Variants in LEFTY1 observed in about 807,000 individuals in gnomAD.
LEFTY1 encodes the protein left-right determination factor 1.
LEFTY1 carries 18 observed loss-of-function variants against 22.6 expected under a neutral mutation model. The ratio of observed to expected loss-of-function variants is 0.80; its 90% CI spans 0.55 to 1.18. The LOEUF (loss-of-function observed/expected upper bound fraction) is 1.18, where lower values mean the gene tolerates loss of function less well. Ranked by LOEUF, LEFTY1 falls within the 50% of genes most tolerant of loss-of-function variation. The pLI, the probability that LEFTY1 is intolerant of heterozygous loss-of-function variation, is 0.00. For missense variants in LEFTY1, 414 were observed against 495.4 expected, an observed-to-expected ratio of 0.84 and a Z score of 1.56; for synonymous variants, 201 against 231.5, an observed-to-expected ratio of 0.87 and a Z score of 1.20.
chr1:225,888,843 C>A lies in LEFTY1; in HGVS notation c.224G>T (p.Gly75Val). Residue 75 changes from glycine (G) to valine (V), a missense_variant, in exon 1 of 4, where the codon GGA becomes GTA. Physicochemically the swap from Gly to Val is moderately radical, Grantham distance 109. Transcript: ENST00000272134. ...LQRSHGDRSR[G>V]KRFSQSFREV... ...TCGGAAGCTCTGGCTGAACCTCTTT[C>A]CGCGGGAGCGGTCCCCGTGGCTGCG... The A allele has an allele frequency of 6.2e-7, 1 of 1,613,308 alleles. No individual in the cohort carries two copies. The highest frequency in any genetic ancestry group is 8.5e-7 in the Non-Finnish European group (1 of 1,179,784).
Position 225,886,623 on chromosome 1 carries a change from G to A in LEFTY1, c.*104C>T, listed in dbSNP as rs189294996. 2 of 1,569,556 alleles carry A rather than the reference G, an allele frequency of 1.3e-6. No individual in the cohort carries two copies. Among genetic ancestry groups the A allele is most frequent in the Admixed American group, 3.5e-5 (2 of 57,414 alleles). On this transcript the variant is annotated 3_prime_UTR_variant, in exon 4 of 4. Coordinates refer to ENST00000272134, the MANE Select transcript of LEFTY1 (RefSeq NM_020997.4). The stretch of plus-strand genomic sequence containing the variant: ...AATTCAGGGCTCACTAGAGAGCACA[G>A]AGCATTTGTCCATCAGCAGTTCAGT...
In LEFTY1 at chr1:225,889,011, C is replaced by T; in HGVS notation, c.56G>A (p.Gly19Glu). The T allele has an allele frequency of 5.2e-6, 8 of 1,527,080 alleles. No individual in the cohort carries two copies. The highest frequency in any genetic ancestry group is 7.0e-6 in the Non-Finnish European group (8 of 1,137,718). 94.6% of individuals were successfully genotyped at this position (1,527,080 alleles called of 1,614,324 possible). The change falls in exon 1 of 4, where the codon GGG becomes GAG. Residue 19 changes from glycine (G) to glutamate (E), a missense_variant. Physicochemically the swap from Gly to Glu is moderately conservative, Grantham distance 98. Coordinates refer to ENST00000272134, the MANE Select transcript of LEFTY1 (RefSeq NM_020997.4). ...ALWVLPLASPGAALTGEQLLG... is the reference protein window; with the variant it reads ...ALWVLPLASPEAALTGEQLLG... Reference sequence around the variant, plus strand: ...GAGCTGCTCCCCGGTCAGGGCGGCCCCGGGGCTGGCCAGGGGCAACACCCA... The same window carrying T: ...GAGCTGCTCCCCGGTCAGGGCGGCCTCGGGGCTGGCCAGGGGCAACACCCA...
rs1274742206 is a variant in LEFTY1, at chr1:225,887,903, T to C, written c.380A>G (p.Lys127Arg). Reference protein sequence around the residue: ...VLRLFQEPVPKAALHRHGRLS... With the variant: ...VLRLFQEPVPRAALHRHGRLS... ...CCGCCCGTGCCTGTGCAGCGCGGCC[T>C]TGGGGACCGGCTCCTGGAAGAGCCG... The change falls in exon 2 of 4, where the codon AAG becomes AGG. Residue 127 changes from lysine (K) to arginine (R), a missense_variant. Coordinates refer to ENST00000272134, the MANE Select transcript of LEFTY1 (RefSeq NM_020997.4). The C allele has an allele frequency of 3.9e-6, 6 of 1,537,966 alleles. No homozygotes were observed. Among genetic ancestry groups the C allele is most frequent in the Non-Finnish European group, 5.2e-6 (6 of 1,149,678 alleles).
At position 225,887,473 on chromosome 1, in the gene LEFTY1, A is replaced by C. The variant is rs1388620770; in HGVS notation, c.663T>G (p.Phe221Leu). Reference sequence around the variant, plus strand: ...GCCCGGCTGGCGCCCCCTGCGAGGCAAAGCGGACCAGCTTGTGGGCGCCGG... The same window carrying C: ...GCCCGGCTGGCGCCCCCTGCGAGGCCAAGCGGACCAGCTTGTGGGCGCCGG... ...LASGAHKLVR[F>L]ASQGAPAGLG... The change falls in exon 3 of 4, where the codon TTT becomes TTG. Residue 221 changes from phenylalanine (F) to leucine (L), a missense_variant. Transcript: ENST00000272134. 1 of 1,612,422 alleles carries C rather than the reference A, an allele frequency of 6.2e-7. No homozygotes were observed. Among genetic ancestry groups the C allele is most frequent in the East Asian group, 2.2e-5 (1 of 44,860 alleles).
chr1:225,887,739 G>A, intron 2 of LEFTY1, 47 bp downstream of exon 2: 3 of 1,562,878 alleles, frequency 1.9e-6, no homozygotes, highest in Non-Finnish European at 2.6e-6. Flanking sequence ...CCCAAGCCGG[G>A]CCTAGCAGCG....
chr1:225,887,668 C>T (rs779911324), intron 2 of LEFTY1, 30 bp from the exon 3 acceptor site: 57 of 1,611,858 alleles, frequency 3.5e-5, no homozygotes, highest in Non-Finnish European at 4.7e-5. Context: ...CCCAGCGCCG[C>T]TTGAGGGCGG....
chr1:225,888,124 G>A, intron 1 of LEFTY1, 92 bp from the exon 2 acceptor site: 5 of 1,528,354 alleles, frequency 3.3e-6, no homozygotes, highest in Non-Finnish European at 4.4e-6. Flanking sequence ...CAGGCCAGGA[G>A]ACACCGGCCC....
Position 225,888,926 on chromosome 1 carries a change from G to A in LEFTY1, c.141C>T (p.Asp47=). ...GGGTGGGGATGACCAGCTCCTCCAT[G>A]TCGGCCCTGTCCAGGGTGGGCACCT... ...LKEVPTLDRA[D]MEELVIPTHV... is the part of the protein sequence containing the mutation. The change falls in exon 1 of 4, where the codon GAC becomes GAT. Residue 47 remains aspartate, a synonymous_variant. Transcript: ENST00000272134. 3 of 1,612,484 alleles carry A rather than the reference G, an allele frequency of 1.9e-6. No individual in the cohort carries two copies.
At position 225,888,366 on chromosome 1, in the gene LEFTY1, A is replaced by T. The variant is rs1387202908; in HGVS notation, c.251-334T>A. The stretch of plus-strand genomic sequence containing the variant: ...CTGCAGGAGGATTCAGGCCGGCTGC[A>T]GGAGGATTCAGGCCCGCTGCACCCC... On this transcript the variant is annotated intron_variant, in intron 1 of 3. Coordinates refer to ENST00000272134, the MANE Select transcript of LEFTY1 (RefSeq NM_020997.4). Among the ~76,000 whole-genome samples, 3 of 152,272 alleles carry T rather than the reference A, an allele frequency of 2.0e-5. No individual in the cohort carries two copies. In the East Asian group the frequency reaches 5.8e-4, roughly 29 times the overall value.
intron 1 of LEFTY1, 111 bp downstream of exon 1, chr1:225,888,706 C>T: frequency 2.1e-6 from 3 of 1,448,308 alleles, no homozygotes; most frequent in Non-Finnish European, 2.8e-6. Flanking sequence ...CCGTGGCCCT[C>T]ACTCAGCCTC....
chr1:225,888,435 T>C (rs1347873800), intron 1 of LEFTY1, among the ~76,000 whole-genome samples: 1 of 152,266 alleles, frequency 6.6e-6, no homozygotes, highest in South Asian at 2.1e-4. Context: ...AGTGCAGTAT[T>C]TTTCAGTTAC....
At chr1:225,888,360 G>T (rs420881) in intron 1 of LEFTY1, among the ~76,000 whole-genome samples, 1 of 151,256 alleles carries the variant, frequency 6.6e-6, no homozygotes, top group Non-Finnish European at 1.5e-5. Context: ...GATTCAGGCC[G>T]GCTGCAGGAG....
In LEFTY1 at chr1:225,886,501, A is replaced by C; in HGVS notation, c.*226T>G. 1.3e-6 allele frequency: 1 copy of C among 781,380 alleles called. No homozygotes were observed. The highest frequency in any genetic ancestry group is 2.0e-6 in the Non-Finnish European group (1 of 507,024). 48.4% of individuals were successfully genotyped at this position (781,380 alleles called of 1,614,324 possible). A position where few individuals can be genotyped will look rare whatever the true frequency, so the allele number is the denominator to read the frequency against. ...TGCTTAGAATATAGTGCAGTGAATA[A>C]TAAGAATAGAGAAAACTGAGCAAGG... is the stretch of plus-strand genomic sequence containing the variant. On this transcript the variant is annotated 3_prime_UTR_variant, in exon 4 of 4. Coordinates refer to ENST00000272134, the MANE Select transcript of LEFTY1 (RefSeq NM_020997.4).
In LEFTY1 at chr1:225,886,937, G is replaced by A; in HGVS notation, c.891C>T (p.Cys297=). The change falls in exon 4 of 4, where the codon TGC becomes TGT. Residue 297 remains cysteine (C), a synonymous_variant. Coordinates refer to ENST00000272134, the MANE Select transcript of LEFTY1 (RefSeq NM_020997.4). The part of the protein sequence containing the change: ...GFLAYECVGT[C]RQPPEALAFK... ...AGGCCAGGGCCTCCGGGGGCTGCCGGCAGGTGCCCACACACTCATAAGCCA... is the reference window on the plus strand; with the variant it reads ...AGGCCAGGGCCTCCGGGGGCTGCCGACAGGTGCCCACACACTCATAAGCCA... 3 of 1,613,756 alleles carry A rather than the reference G, an allele frequency of 1.9e-6. No homozygotes were observed. The highest frequency in any genetic ancestry group is 1.1e-5 in the South Asian group (1 of 91,062).
intron 1 of LEFTY1, among the ~76,000 whole-genome samples, chr1:225,888,592 G>A (rs1671334543): frequency 6.6e-6 from 1 of 152,202 alleles, no homozygotes; most frequent in South Asian, 2.1e-4. Context: ...TCAGACCAGA[G>A]TGGCAGTACG....
At position 225,886,801 on chromosome 1, in the gene LEFTY1, G is replaced by A; in HGVS notation, c.1027C>T (p.Leu343=). ...CACTTCTGCACCCTCATGTTGGGCAGGCTGACCACCTGGGGCCTGGTCCTG... is the reference window on the plus strand; with the variant it reads ...CACTTCTGCACCCTCATGTTGGGCAAGCTGACCACCTGGGGCCTGGTCCTG... ...GGRTRPQVVS[L]PNMRVQKCSC... Residue 343 remains leucine, a synonymous_variant, in exon 4 of 4, where the codon CTG becomes TTG. Coordinates refer to ENST00000272134, the MANE Select transcript of LEFTY1 (RefSeq NM_020997.4). The A allele has an allele frequency of 2.5e-6, 4 of 1,613,872 alleles. No homozygotes were observed. Among genetic ancestry groups the A allele is most frequent in the Non-Finnish European group, 3.4e-6 (4 of 1,180,048 alleles).
At position 225,887,626 on chromosome 1, in the gene LEFTY1, G is replaced by A. The variant is rs761140324; in HGVS notation, c.510C>T (p.Val170=). 6.2e-7 allele frequency: 1 copy of A among 1,612,298 alleles called. No homozygotes were observed. Among genetic ancestry groups the A allele is most frequent in the Non-Finnish European group, 8.5e-7 (1 of 1,179,774 alleles). ...TSLIDSRLVS[V]HESGWKAFDV... ...CGAAGGCCTTCCAGCCGCTCTCGTG[G>A]ACGGACACCAGCCTGAGACATGACA... The change falls in exon 3 of 4, where the codon GTC becomes GTT. Residue 170 remains valine (V), a synonymous_variant. Transcript: ENST00000272134.
intron 1 of LEFTY1, among the ~76,000 whole-genome samples, 185 bp from the exon 2 acceptor site, chr1:225,888,217 A>G (rs987508272): frequency 6.6e-6 from 1 of 152,126 alleles, no homozygotes; most frequent in African/African-American, 2.4e-5. Flanking sequence ...TCCAGCAGGC[A>G]GGGGCGCCTG....
In LEFTY1 at chr1:225,886,595, G is replaced by T; in HGVS notation, c.*132C>A. On this transcript the variant is annotated 3_prime_UTR_variant, in exon 4 of 4. Transcript: ENST00000272134. The stretch of plus-strand genomic sequence containing the variant: ...TAGGTGAGGTAACTTGTCAGAGGAA[G>T]CAAATTCAGGGCTCACTAGAGAGCA... 1 of 1,498,156 alleles carries T rather than the reference G, an allele frequency of 6.7e-7. No individual in the cohort carries two copies. Among genetic ancestry groups the T allele is most frequent in the African/African-American group, 1.4e-5 (1 of 71,822 alleles). 92.8% of individuals were successfully genotyped at this position (1,498,156 alleles called of 1,614,324 possible).
Sources: allele counts gnomAD v4.1 joint callset (sites outside exome capture counted in the v4.1 genomes callset), GRCh38; gene constraint gnomAD v4.1.1; transcripts MANE v1.5; gene names NCBI Gene and HGNC (gene_info 2026-07-23, HGNC 2026-07-21).